The following ZFPM2 variants were observed in gnomAD, a reference collection of about 807,000 sequenced individuals.
ZFPM2 encodes zinc finger protein ZFPM2.
In ZFPM2, 20 loss-of-function variants were observed where a neutral mutation model predicts 98.6. The observed-to-expected ratio is 0.20, with a 90% CI of 0.14 to 0.29. The LOEUF (loss-of-function observed/expected upper bound fraction) is 0.29. Among genes scored for constraint, ZFPM2 ranks in the 10% least tolerant of loss-of-function variants. ZFPM2 has a pLI of 1.00. For missense variants in ZFPM2, 1,310 were observed against 1,388.6 expected, an observed-to-expected ratio of 0.94 and a Z score of 0.90; for synonymous variants, 518 against 502.7, an observed-to-expected ratio of 1.03 and a Z score of -0.41.
At chr8:105,524,170 T>A (rs187926596) in intron 3 of ZFPM2, among the ~76,000 whole-genome samples, 2 of 152,296 alleles carry the variant, frequency 1.3e-5, no homozygotes, top group East Asian at 3.9e-4. Flanking sequence ...TATAACTATG[T>A]TAATGCTGGA....
intron 4 of ZFPM2, among the ~76,000 whole-genome samples, chr8:105,588,853 G>A (rs1815782722): frequency 6.6e-6 from 1 of 152,162 alleles, no homozygotes; most frequent in Admixed American, 6.5e-5. Context: ...CAGTTAGGGG[G>A]CAAGTTTAGG....
chr8:105,699,536 C>T (rs1488779307), intron 5 of ZFPM2, among the ~76,000 whole-genome samples: 1 of 151,868 alleles, frequency 6.6e-6, no homozygotes, highest in Non-Finnish European at 1.5e-5. Context: ...TGATATAGTT[C>T]TTTTGTTAAG....
At chr8:105,431,624 C>T (rs1207942418) in intron 2 of ZFPM2, among the ~76,000 whole-genome samples, 11 of 151,910 alleles carry the variant, frequency 7.2e-5, no homozygotes, top group East Asian at 3.9e-4. Flanking sequence ...TGTAAGAATG[C>T]GACACTTGGC....
At chr8:105,574,721 T>C (rs1815427348) in intron 4 of ZFPM2, among the ~76,000 whole-genome samples, 1 of 151,506 alleles carries the variant, frequency 6.6e-6, no homozygotes, top group African/African-American at 2.4e-5. Flanking sequence ...CATTACCCTA[T>C]GTGTAATAGT....
intron 5 of ZFPM2, among the ~76,000 whole-genome samples, chr8:105,770,837 C>A (rs145682958): frequency 1.3e-5 from 2 of 152,224 alleles, no homozygotes; most frequent in Non-Finnish European, 2.9e-5. Context: ...GAGGAAGGTG[C>A]AGCTTAGACA....
At chr8:105,469,270 T>C (rs958662711) in intron 3 of ZFPM2, among the ~76,000 whole-genome samples, 3 of 152,202 alleles carry the variant, frequency 2.0e-5, no homozygotes, top group Non-Finnish European at 4.4e-5. Context: ...CACTCTTAAG[T>C]TAATTGCTGC....
chr8:105,410,332 A>G (rs918028136), intron 1 of ZFPM2, among the ~76,000 whole-genome samples: 1 of 151,682 alleles, frequency 6.6e-6, no homozygotes, highest in African/African-American at 2.4e-5. Context: ...TTTAAGGACC[A>G]CTCTTAATTC....
At chr8:105,477,268 G>C (rs1462567222) in intron 3 of ZFPM2, among the ~76,000 whole-genome samples, 1 of 109,164 alleles carries the variant, frequency 9.2e-6, no homozygotes, top group Non-Finnish European at 1.7e-5. Context: ...TTTTTGAGAC[G>C]AAGTCTAACT....
intron 5 of ZFPM2, among the ~76,000 whole-genome samples, chr8:105,648,553 T>C (rs774585366): frequency 6.6e-6 from 1 of 152,204 alleles, no homozygotes; most frequent in Non-Finnish European, 1.5e-5. Flanking sequence ...TTAATTTTTA[T>C]GTAAGGTGTA....
intron 3 of ZFPM2, among the ~76,000 whole-genome samples, chr8:105,452,757 A>G (rs1020544623): frequency 6.6e-6 from 1 of 152,000 alleles, no homozygotes; most frequent in African/African-American, 2.4e-5. Flanking sequence ...GTCTCAAACA[A>G]CAACAACAAC....
intron 5 of ZFPM2, among the ~76,000 whole-genome samples, chr8:105,715,985 A>T (rs1320231957): frequency 6.6e-6 from 1 of 151,968 alleles, no homozygotes; most frequent in Non-Finnish European, 1.5e-5. Flanking sequence ...ATTTCAAAAC[A>T]ATCAGGTGCC....
intron 3 of ZFPM2, among the ~76,000 whole-genome samples, chr8:105,533,592 T>C (rs1814343921): frequency 6.6e-6 from 1 of 152,058 alleles, no homozygotes; most frequent in South Asian, 2.1e-4. Flanking sequence ...GAGAACCCTA[T>C]ATACTAACTC....
At chr8:105,640,539 TC>T (rs1356096296) in intron 5 of ZFPM2, among the ~76,000 whole-genome samples, 2 of 152,046 alleles carry the variant, frequency 1.3e-5, no homozygotes, top group Non-Finnish European at 2.9e-5. Flanking sequence ...TTTTTGAATG[TC>T]CTTTATGTCC....
intron 3 of ZFPM2, among the ~76,000 whole-genome samples, chr8:105,489,675 G>T (rs1461485074): frequency 2.6e-5 from 4 of 151,250 alleles, no homozygotes; most frequent in African/African-American, 4.8e-5. Context: ...TGTTGGCCAG[G>T]CTGGTCTCGA....
chr8:105,354,580 A>G (rs1324180766), intron 1 of ZFPM2, among the ~76,000 whole-genome samples: 1 of 152,294 alleles, frequency 6.6e-6, no homozygotes, highest in African/African-American at 2.4e-5. Flanking sequence ...GAACATCTGT[A>G]TGTTCAAAGA....
chr8:105,441,249 G>C (rs2130192605), intron 2 of ZFPM2, among the ~76,000 whole-genome samples: 1 of 151,524 alleles, frequency 6.6e-6, no homozygotes, highest in Middle Eastern at 3.4e-3. Context: ...CCTTAATTGT[G>C]TTTTTATTTT....
chr8:105,510,249 C>T (rs1343146126), intron 3 of ZFPM2, among the ~76,000 whole-genome samples: 1 of 152,076 alleles, frequency 6.6e-6, no homozygotes, highest in Non-Finnish European at 1.5e-5. Context: ...CACCTCACTC[C>T]CTATATGAAC....
intron 1 of ZFPM2, among the ~76,000 whole-genome samples, chr8:105,366,622 A>C (rs1427896050): frequency 1.3e-5 from 2 of 149,874 alleles, no homozygotes; most frequent in Non-Finnish European, 3.0e-5. Flanking sequence ...GCACCCACTA[A>C]CTCGTCATCT....
intron 1 of ZFPM2, among the ~76,000 whole-genome samples, chr8:105,384,952 C>T (rs1413470091): frequency 1.3e-5 from 2 of 152,102 alleles, no homozygotes; most frequent in Non-Finnish European, 2.9e-5. Context: ...TAGTGACTAA[C>T]AAAAGTCTCA....
Sources: allele counts gnomAD v4.1 joint callset (sites outside exome capture counted in the v4.1 genomes callset), GRCh38; gene constraint gnomAD v4.1.1; transcripts MANE v1.5; gene names NCBI Gene and HGNC (gene_info 2026-07-23, HGNC 2026-07-21).